ADAM22: variants seen among roughly 807,000 people sequenced by gnomAD.
ADAM22 encodes disintegrin and metalloproteinase domain-containing protein 22.
A neutral mutation model predicts 144.6 loss-of-function variants in ADAM22; 65 were observed. That is an observed-to-expected ratio of 0.45 (90% CI 0.37 to 0.55). The LOEUF (loss-of-function observed/expected upper bound fraction) is 0.55, where lower values mean the gene tolerates loss of function less well. Among genes scored for constraint, ADAM22 ranks in the 20% least tolerant of loss-of-function variants. The pLI, the probability that ADAM22 is intolerant of heterozygous loss-of-function variation, is 0.00. For synonymous variants in ADAM22, 391 were observed against 412.6 expected (o/e 0.95, Z 0.63); for missense variants, 974 against 1,184.9 (o/e 0.82, Z 2.61).
chr7:88,022,593 C>G (rs973444217), intron 3 of ADAM22, among the ~76,000 whole-genome samples: 5 of 152,032 alleles, frequency 3.3e-5, no homozygotes, highest in Admixed American at 3.3e-4. Context: ...AGAAAATTGT[C>G]TGGAAATTTT....
chr7:87,968,835 C>T (rs1377019080), intron 2 of ADAM22, among the ~76,000 whole-genome samples: 2 of 152,192 alleles, frequency 1.3e-5, no homozygotes, highest in African/African-American at 4.8e-5. Context: ...GCTTATGGTT[C>T]TGCAGGCTGT....
At chr7:88,119,849 T>C (rs1251065923) in intron 7 of ADAM22, among the ~76,000 whole-genome samples, 1 of 152,206 alleles carries the variant, frequency 6.6e-6, no homozygotes, top group Non-Finnish European at 1.5e-5. Context: ...GGTTTTTGAC[T>C]ATTATGAGAA....
In ADAM22 at chr7:88,162,990, T is replaced by C. The variant is rs748355593; in HGVS notation, c.1908-22T>C. ...TGAAGGTGAATTAATAGATTCATTT[T>C]TTGCTCTCAATTTGTTTTTAGTGGT... is the stretch of plus-strand genomic sequence containing the variant. On this transcript the variant is annotated intron_variant, in intron 22 of 31. Transcript: ENST00000413139. 4 of 1,598,814 alleles carry C rather than the reference T, an allele frequency of 2.5e-6. No homozygotes were observed. In the African/African-American group the frequency reaches 4.1e-5, roughly 16 times the overall value.
chr7:88,090,355 G>A (rs993778693), intron 4 of ADAM22, among the ~76,000 whole-genome samples: 1 of 152,100 alleles, frequency 6.6e-6, no homozygotes, highest in African/African-American at 2.4e-5. Context: ...ATTTTGGATG[G>A]TATAGCTATG....
chr7:87,955,528 G>T (rs1001971077), intron 2 of ADAM22, among the ~76,000 whole-genome samples: 1 of 152,152 alleles, frequency 6.6e-6, no homozygotes, highest in Non-Finnish European at 1.5e-5. Context: ...GCCGTGTGAG[G>T]TGTCAGTCTG....
At chr7:87,968,118 G>T (rs1222576311) in intron 2 of ADAM22, among the ~76,000 whole-genome samples, 3 of 152,108 alleles carry the variant, frequency 2.0e-5, no homozygotes, top group Non-Finnish European at 4.4e-5. Context: ...AACATATTTT[G>T]TCATAAATAG....
chr7:88,071,038 G>T (rs1812614286), intron 3 of ADAM22, among the ~76,000 whole-genome samples: 1 of 152,116 alleles, frequency 6.6e-6, no homozygotes, highest in Non-Finnish European at 1.5e-5. Context: ...CATTCAAGAT[G>T]TTCTATTTCT....
chr7:88,168,700 T>C (rs1843501811), intron 25 of ADAM22, among the ~76,000 whole-genome samples: 1 of 152,216 alleles, frequency 6.6e-6, no homozygotes, highest in Non-Finnish European at 1.5e-5. Context: ...AATTTCTTTG[T>C]ATTCAAATAA....
chr7:88,069,846 C>T (rs1172785621), intron 3 of ADAM22, among the ~76,000 whole-genome samples: 1 of 152,160 alleles, frequency 6.6e-6, no homozygotes, highest in African/African-American at 2.4e-5. Flanking sequence ...TCGGCAGTCA[C>T]TGGTCCATTG....
intron 3 of ADAM22, among the ~76,000 whole-genome samples, chr7:87,999,324 C>T (rs1222560036): frequency 6.6e-6 from 1 of 152,178 alleles, no homozygotes; most frequent in African/African-American, 2.4e-5. Context: ...AATCACACAA[C>T]ATAGCTGTGT....
intron 5 of ADAM22, 114 bp from the exon 6 acceptor site, chr7:88,114,470 G>A (rs1827235626): frequency 2.3e-6 from 2 of 870,264 alleles, no homozygotes; most frequent in Non-Finnish European, 3.8e-6. Flanking sequence ...GGATGGGACT[G>A]GGAAATGGGC....
chr7:87,949,925 A>C (rs1199058519), intron 2 of ADAM22, among the ~76,000 whole-genome samples: 1 of 150,502 alleles, frequency 6.6e-6, no homozygotes, highest in East Asian at 1.9e-4. Context: ...ATATGTTAAT[A>C]TAAAATATTT....
intron 4 of ADAM22, among the ~76,000 whole-genome samples, chr7:88,077,693 T>G (rs1205687316): frequency 2.6e-5 from 4 of 152,176 alleles, no homozygotes; most frequent in Non-Finnish European, 1.5e-5. Context: ...ACCAGGAGAT[T>G]ATATCCCACA....
chr7:87,944,417 G>T (rs936670303), intron 2 of ADAM22, among the ~76,000 whole-genome samples: 1 of 152,144 alleles, frequency 6.6e-6, no homozygotes, highest in Non-Finnish European at 1.5e-5. Flanking sequence ...AGATTTCTTT[G>T]ATTTCCCTAG....
chr7:88,112,809 G>A (rs1264118160), intron 5 of ADAM22, among the ~76,000 whole-genome samples: 1 of 152,218 alleles, frequency 6.6e-6, no homozygotes, highest in African/African-American at 2.4e-5. Flanking sequence ...TTGGGTTCAG[G>A]TGATCCTCCC....
At position 88,165,941 on chromosome 7, in the gene ADAM22, G is replaced by A; in HGVS notation, c.2186G>A (p.Gly729Asp). The A allele has an allele frequency of 1.2e-6, 2 of 1,605,538 alleles. No individual in the cohort carries two copies. Among genetic ancestry groups the A allele is most frequent in the Non-Finnish European group, 1.7e-6 (2 of 1,175,590 alleles). Residue 729 changes from glycine to aspartate, a missense_variant, in exon 24 of 32, where the codon GGC becomes GAC. Around this residue, in one of 2 missense-constraint regions of ADAM22, gnomAD observed 734 missense variants for 950.6 expected, o/e 0.77. Coordinates refer to ENST00000413139, the MANE Select transcript of ADAM22 (RefSeq NM_001324418.2). ...DDAKTGITLS[G>D]NGVAGTNIII... ...GCAAAGACTGGTATCACTCTGTCTGGCAATGGTAAGTACTTAATTTGGTAA... is the reference window on the plus strand; with the variant it reads ...GCAAAGACTGGTATCACTCTGTCTGACAATGGTAAGTACTTAATTTGGTAA...
rs1328311249 is a variant in ADAM22 at position 88,151,121 on chromosome 7, A to G, written c.1617+90A>G. 7 of 1,517,776 alleles carry G rather than the reference A, an allele frequency of 4.6e-6. No homozygotes were observed. In the East Asian group the frequency reaches 6.8e-5, roughly 15 times the overall value. The allele number at this position is 1,517,776 out of a possible 1,614,324, so 94.0% of individuals were successfully genotyped here. On this transcript the variant is annotated intron_variant, in intron 19 of 31. Transcript: ENST00000413139. ...TATCAAAATAGGAAGATCAATTTAA[A>G]TGTTTGTAATCAATTCTGAAGATAA...
intron 26 of ADAM22, among the ~76,000 whole-genome samples, chr7:88,175,652 T>C (rs1845471308): frequency 6.6e-6 from 1 of 152,218 alleles, no homozygotes; most frequent in African/African-American, 2.4e-5. Context: ...TTATAAAATT[T>C]AGCACTAATC....
chr7:87,975,827 T>C (rs961176404), intron 2 of ADAM22, among the ~76,000 whole-genome samples: 1 of 152,186 alleles, frequency 6.6e-6, no homozygotes, highest in Non-Finnish European at 1.5e-5. Context: ...AGAGCTTTAA[T>C]AGTCCTACAA....
Sources: allele counts gnomAD v4.1 joint callset (sites outside exome capture counted in the v4.1 genomes callset), GRCh38; gene constraint gnomAD v4.1.1; regional missense constraint gnomAD v4.1.1; transcripts MANE v1.5; gene names NCBI Gene and HGNC (gene_info 2026-07-23, HGNC 2026-07-21).